The following METTL24 variants were observed in gnomAD, a reference collection of about 807,000 sequenced individuals.
METTL24 encodes the protein probable methyltransferase-like protein 24.
In METTL24, 29 loss-of-function variants were observed where a neutral mutation model predicts 32.7. The ratio of observed to expected loss-of-function variants is 0.89; its 90% CI spans 0.66 to 1.21. The LOEUF is 1.21. Among genes scored for constraint, METTL24 ranks in the 50% most tolerant of loss-of-function variants. METTL24 has a pLI of 0.00. For missense variants in METTL24, 439 were observed against 468.1 expected (o/e 0.94, Z 0.57); for synonymous variants, 163 against 179.5 (o/e 0.91, Z 0.73).
chr6:110,262,164 C>G (rs1255130443), intron 4 of METTL24, among the ~76,000 whole-genome samples: 1 of 152,026 alleles, frequency 6.6e-6, no homozygotes, highest in Non-Finnish European at 1.5e-5. Context: ...TTCAAAAAAT[C>G]AATGAATCCA....
At chr6:110,296,331 GT>G (rs1000208010) in intron 4 of METTL24, among the ~76,000 whole-genome samples, 1 of 152,192 alleles carries the variant, frequency 6.6e-6, no homozygotes, top group Admixed American at 6.5e-5. Flanking sequence ...TGAAAAAACT[GT>G]ATGCTTAGTT....
intron 1 of METTL24, among the ~76,000 whole-genome samples, chr6:110,355,970 A>G (rs1406180038): frequency 6.6e-6 from 1 of 152,208 alleles, no homozygotes; most frequent in African/African-American, 2.4e-5. Flanking sequence ...GGCTCCAGCC[A>G]TCAGTACTGT....
chr6:110,317,639 G>T (rs546910825), intron 2 of METTL24, among the ~76,000 whole-genome samples: 22 of 151,996 alleles, frequency 1.4e-4, no homozygotes, highest in Non-Finnish European at 2.9e-4. Context: ...ATCCCCATTT[G>T]CTATTGTTCT....
intron 1 of METTL24, among the ~76,000 whole-genome samples, chr6:110,331,433 C>A (rs928515178): frequency 5.9e-5 from 9 of 151,868 alleles, no homozygotes; most frequent in Admixed American, 3.3e-4. Flanking sequence ...CTGAGGCGGG[C>A]AGATCACTTC....
At chr6:110,285,528 A>G (rs1771205718) in intron 4 of METTL24, among the ~76,000 whole-genome samples, 1 of 152,224 alleles carries the variant, frequency 6.6e-6, no homozygotes, top group Non-Finnish European at 1.5e-5. Context: ...AATGGCCAGC[A>G]TGGGTGTGAC....
intron 1 of METTL24, among the ~76,000 whole-genome samples, chr6:110,334,114 G>A (rs1194889228): frequency 1.3e-4 from 19 of 151,572 alleles, no homozygotes; most frequent in Admixed American, 1.2e-3. Flanking sequence ...AGAGGAAAGG[G>A]GGGTCTTCCC....
intron 4 of METTL24, among the ~76,000 whole-genome samples, chr6:110,269,408 A>T (rs1422739290): frequency 6.6e-6 from 1 of 152,188 alleles, no homozygotes; most frequent in East Asian, 1.9e-4. Context: ...TCAGGAAAAG[A>T]TCATTTCAAC....
chr6:110,324,948 T>C (rs1027227435), intron 1 of METTL24, among the ~76,000 whole-genome samples: 3 of 152,190 alleles, frequency 2.0e-5, no homozygotes, highest in Admixed American at 2.0e-4. Context: ...ATAACTTCGA[T>C]AGTAAAATGC....
At chr6:110,312,041 T>C (rs1160971716) in intron 3 of METTL24, among the ~76,000 whole-genome samples, 2 of 152,202 alleles carry the variant, frequency 1.3e-5, no homozygotes, top group African/African-American at 4.8e-5. Context: ...GTGCAGAAGC[T>C]TTTTGGTTTA....
At chr6:110,276,927 A>G (rs1424644568) in intron 4 of METTL24, among the ~76,000 whole-genome samples, 2 of 152,186 alleles carry the variant, frequency 1.3e-5, no homozygotes, top group African/African-American at 2.4e-5. Flanking sequence ...GGCAGATAAG[A>G]AGAATGACAA....
chr6:110,280,898 C>T (rs1771125121), intron 4 of METTL24, among the ~76,000 whole-genome samples: 1 of 152,070 alleles, frequency 6.6e-6, no homozygotes, highest in Non-Finnish European at 1.5e-5. Flanking sequence ...AGTGATCTGC[C>T]CACCTCAGCC....
chr6:110,315,315 T>C (rs1181354418), intron 3 of METTL24, 27 bp downstream of exon 3: 3 of 1,613,238 alleles, frequency 1.9e-6, no homozygotes, highest in Non-Finnish European at 2.5e-6. Context: ...GTTTGTGTTT[T>C]CTTCTGCTGT....
chr6:110,308,422 C>T (rs1771662851), intron 3 of METTL24, among the ~76,000 whole-genome samples: 1 of 152,100 alleles, frequency 6.6e-6, no homozygotes, highest in East Asian at 1.9e-4. Flanking sequence ...TGAAAAGATG[C>T]TCAAGATCAT....
In METTL24 at chr6:110,351,705, C is replaced by T. The variant is rs144643124; in HGVS notation, c.318+6250G>A. 4.1e-4 allele frequency among the ~76,000 whole-genome samples: 62 copies of T among 152,308 alleles called. 1 individual carries two copies. In the East Asian group the frequency reaches 6.2e-3, roughly 15 times the overall value. On this transcript the variant is annotated intron_variant, in intron 1 of 4. Coordinates refer to ENST00000338882, the MANE Select transcript of METTL24 (RefSeq NM_001123364.3). ...AGAATGGCTTCCAGGATTGGGCAGGCGCCCTAGGCCTTTGTTTAGGTCAAG... is the reference window on the plus strand; with the variant it reads ...AGAATGGCTTCCAGGATTGGGCAGGTGCCCTAGGCCTTTGTTTAGGTCAAG...
chr6:110,260,663 T>A (rs1445205627), intron 4 of METTL24, among the ~76,000 whole-genome samples: 1 of 152,012 alleles, frequency 6.6e-6, no homozygotes, highest in Non-Finnish European at 1.5e-5. Flanking sequence ...CACATAATCG[T>A]CAGATTCACC....
At chr6:110,287,377 T>C (rs1022987056) in intron 4 of METTL24, among the ~76,000 whole-genome samples, 1 of 152,214 alleles carries the variant, frequency 6.6e-6, no homozygotes, top group Non-Finnish European at 1.5e-5. Context: ...GAATGACTCA[T>C]TACTGCTAAA....
rs1772515377 is a variant in METTL24 at position 110,348,086 on chromosome 6, C to T, written c.318+9869G>A. On this transcript the variant is annotated intron_variant, in intron 1 of 4. Transcript: ENST00000338882. ...CATTTTTGGTACTTACAGGCCAGTGCCCCAGCTGGAAACACAAGGCTGAAC... is the reference window on the plus strand; with the variant it reads ...CATTTTTGGTACTTACAGGCCAGTGTCCCAGCTGGAAACACAAGGCTGAAC... Among the ~76,000 whole-genome samples the T allele has an allele frequency of 2.0e-5, 3 of 152,324 alleles. No individual in the cohort carries two copies. In the South Asian group the frequency reaches 6.2e-4, roughly 32 times the overall value.
At chr6:110,271,244 T>C (rs985728134) in intron 4 of METTL24, among the ~76,000 whole-genome samples, 2 of 152,134 alleles carry the variant, frequency 1.3e-5, no homozygotes, top group African/African-American at 2.4e-5. Context: ...AATAAGTTCA[T>C]GCAGAAGACA....
chr6:110,333,529 C>T (rs1014338080), intron 1 of METTL24, among the ~76,000 whole-genome samples: 1 of 152,182 alleles, frequency 6.6e-6, no homozygotes, highest in African/African-American at 2.4e-5. Flanking sequence ...TCTCGGCTCA[C>T]TACAACCTCT....
Sources: allele counts gnomAD v4.1 joint callset (sites outside exome capture counted in the v4.1 genomes callset), GRCh38; gene constraint gnomAD v4.1.1; transcripts MANE v1.5; gene names NCBI Gene and HGNC (gene_info 2026-07-23, HGNC 2026-07-21).